CCDC7: variants seen among roughly 807,000 people sequenced by gnomAD.
CCDC7 encodes coiled-coil domain-containing protein 7.
CCDC7 carries 183 observed loss-of-function variants against 196.9 expected under a neutral mutation model. The ratio of observed to expected loss-of-function variants is 0.93; its 90% CI spans 0.82 to 1.05. The LOEUF is 1.05. Ranked by LOEUF, CCDC7 falls within the 50% of genes least tolerant of loss-of-function variation. The pLI is 0.00. For synonymous variants in CCDC7, 525 were observed against 484.6 expected (o/e 1.08, Z -1.10); for missense variants, 1,540 against 1,482.2 (o/e 1.04, Z -0.64).
At chr10:32,446,483 C>T (rs1057512082) in intron 1 of CCDC7, 86 bp downstream of exon 1, 6 of 152,332 alleles carry the variant, frequency 3.9e-5, no homozygotes, top group African/African-American at 1.4e-4. Context: ...CTTAGTTTTC[C>T]CGCTGCCTGG....
intron 28 of CCDC7, among the ~76,000 whole-genome samples, chr10:32,774,341 A>G (rs961212714): frequency 1.3e-5 from 2 of 150,450 alleles, no homozygotes; most frequent in African/African-American, 2.5e-5. Context: ...TCCTCCCTGC[A>G]CTTTAAATGT....
At chr10:32,736,717 T>C (rs543663027) in intron 28 of CCDC7, among the ~76,000 whole-genome samples, 3 of 152,332 alleles carry the variant, frequency 2.0e-5, no homozygotes, top group South Asian at 4.1e-4. Flanking sequence ...ATATCACTTG[T>C]TCTTTGCTGG....
intron 18 of CCDC7, among the ~76,000 whole-genome samples, chr10:32,603,704 A>C (rs916350903): frequency 3.3e-5 from 5 of 151,866 alleles, no homozygotes; most frequent in Non-Finnish European, 1.5e-5. Context: ...CGTTATGATT[A>C]ATGATGTTGA....
At chr10:32,608,648 C>T (rs1038238729) in intron 18 of CCDC7, among the ~76,000 whole-genome samples, 10 of 152,274 alleles carry the variant, frequency 6.6e-5, no homozygotes, top group African/African-American at 2.4e-4. Flanking sequence ...TGAAGCAATT[C>T]TCTTGCCTCA....
intron 18 of CCDC7, among the ~76,000 whole-genome samples, chr10:32,622,988 G>A (rs897259905): frequency 3.9e-5 from 6 of 152,070 alleles, no homozygotes; most frequent in Non-Finnish European, 7.4e-5. Flanking sequence ...ATTTTCAAAT[G>A]GTTGATGACA....
chr10:32,828,802 G>C (rs974530228), intron 32 of CCDC7, among the ~76,000 whole-genome samples: 12 of 152,250 alleles, frequency 7.9e-5, no homozygotes, highest in African/African-American at 2.9e-4. Flanking sequence ...AGGAATCATG[G>C]GGTGGAAGTG....
At chr10:32,667,976 C>T (rs1419300890) in intron 21 of CCDC7, among the ~76,000 whole-genome samples, 8 of 152,088 alleles carry the variant, frequency 5.3e-5, no homozygotes, top group Non-Finnish European at 8.8e-5. Context: ...GCCATTTTCA[C>T]GATATTGATT....
chr10:32,664,408 T>C (rs2072195042), intron 21 of CCDC7, among the ~76,000 whole-genome samples: 1 of 152,192 alleles, frequency 6.6e-6, no homozygotes, highest in East Asian at 1.9e-4. Flanking sequence ...CAATATGTTA[T>C]TATTAACAGT....
chr10:32,547,413 T>C (rs1040662167), intron 13 of CCDC7, among the ~76,000 whole-genome samples: 3 of 152,144 alleles, frequency 2.0e-5, no homozygotes, highest in African/African-American at 7.2e-5. Context: ...TCACTCTTGC[T>C]ATATAATGAA....
intron 22 of CCDC7, among the ~76,000 whole-genome samples, chr10:32,882,141 G>A (rs948282642): frequency 6.6e-6 from 1 of 152,170 alleles, no homozygotes; most frequent in African/African-American, 2.4e-5. Flanking sequence ...TGCAATAGAA[G>A]AGGGAGATTC....
intron 32 of CCDC7, among the ~76,000 whole-genome samples, chr10:32,830,143 C>CATATATGGA (rs2091996967): frequency 1.3e-4 from 3 of 22,388 alleles, no homozygotes; most frequent in Non-Finnish European, 2.7e-4. Flanking sequence ...TATATATATC[C>CATATATGGA]TATTAGTTCT....
intron 41 of CCDC7, among the ~76,000 whole-genome samples, chr10:32,866,090 T>A (rs2094192297): frequency 6.6e-6 from 1 of 151,832 alleles, no homozygotes; most frequent in South Asian, 2.1e-4. Context: ...TTATTCTCCA[T>A]TAAAATGAAT....
intron 20 of CCDC7, among the ~76,000 whole-genome samples, chr10:32,659,030 C>G (rs1009005340): frequency 6.6e-6 from 1 of 152,038 alleles, no homozygotes; most frequent in Non-Finnish European, 1.5e-5. Context: ...GTCTCTATTG[C>G]ATTTAGTTCT....
chr10:32,857,538 G>A (rs2093800542), intron 41 of CCDC7, among the ~76,000 whole-genome samples: 1 of 152,066 alleles, frequency 6.6e-6, no homozygotes, highest in Admixed American at 6.6e-5. Flanking sequence ...CAACCAGTAG[G>A]TGAAAGAAGA....
intron 9 of CCDC7, chr10:32,512,026 T>C: frequency 2.7e-6 from 1 of 376,956 alleles, no homozygotes; most frequent in Non-Finnish European, 4.8e-6. Flanking sequence ...TTCTTCAGGA[T>C]CTTGTCAGTG....
intron 30 of CCDC7, 110 bp downstream of exon 31, chr10:32,805,208 A>T: frequency 1.4e-6 from 1 of 738,840 alleles, no homozygotes. Flanking sequence ...ACATGGGCAC[A>T]GGTTCTCATG....
intron 41 of CCDC7, among the ~76,000 whole-genome samples, chr10:32,865,390 G>A (rs981100166): frequency 2.4e-5 from 3 of 125,816 alleles, no homozygotes; most frequent in African/African-American, 9.4e-5. Flanking sequence ...CCACAGTGAG[G>A]TACTCCTATT....
At chr10:32,456,320 A>G (rs56391924) in exon 3 of CCDC7, 1 of 1,570,748 alleles carries the variant, frequency 6.4e-7, no homozygotes, top group Admixed American at 1.7e-5. Flanking sequence ...AGAAGCACTT[A>G]AAGAAGAACA....
At chr10:32,625,525 T>TA (rs2063927313) in intron 18 of CCDC7, among the ~76,000 whole-genome samples, 1 of 152,032 alleles carries the variant, frequency 6.6e-6, no homozygotes, top group South Asian at 2.1e-4. Context: ...TTTACGAATA[T>TA]AATGTGGAGT....
Sources: gnomAD v4.1 joint callset for allele counts (sites outside exome capture counted in the v4.1 genomes callset) on GRCh38, gnomAD v4.1.1 for gene constraint, MANE v1.5 for transcripts, NCBI Gene and HGNC (gene_info 2026-07-23, HGNC 2026-07-21) for gene names.